ZNF729: variants seen among roughly 807,000 people sequenced by gnomAD.
ZNF729 encodes the protein zinc finger protein 729.
ZNF729 carries 15 observed loss-of-function variants against 12.2 expected under a neutral mutation model. The ratio of observed to expected loss-of-function variants is 1.23; its 90% CI spans 0.82 to 1.89. The LOEUF (loss-of-function observed/expected upper bound fraction) is 1.89. ZNF729 is among the 40% of genes most tolerant of loss of function. The pLI, the probability that ZNF729 is intolerant of heterozygous loss-of-function variation, is 0.00. For missense variants in ZNF729, 1,540 were observed against 1,456.7 expected, an observed-to-expected ratio of 1.06 and a Z score of -0.93; for synonymous variants, 492 against 476.3, an observed-to-expected ratio of 1.03 and a Z score of -0.43.
At chr19:22,311,786 G>A (rs555256778) in intron 3 of ZNF729, among the ~76,000 whole-genome samples, 1 of 152,288 alleles carries the variant, frequency 6.6e-6, no homozygotes, top group East Asian at 1.9e-4. Flanking sequence ...GCTGTCAGTA[G>A]AGTATTGAAG....
intron 3 of ZNF729, among the ~76,000 whole-genome samples, chr19:22,307,649 A>G (rs955582439): frequency 2.1e-4 from 31 of 151,054 alleles, no homozygotes; most frequent in African/African-American, 7.0e-4. Context: ...AGGCTGAAGC[A>G]GGAGAATCGC....
intron 1 of ZNF729, among the ~76,000 whole-genome samples, chr19:22,301,856 C>T (rs974402012): frequency 6.6e-5 from 10 of 152,304 alleles, no homozygotes; most frequent in Non-Finnish European, 1.3e-4. Context: ...TTTCTCTTAC[C>T]CAAGAGCTAG....
Position 22,315,657 on chromosome 19 carries a change from A to C in ZNF729, c.2240A>C (p.Lys747Thr). Residue 747 changes from lysine (K) to threonine (T), a missense_variant, in exon 4 of 4, where the codon AAA becomes ACA. Physicochemically the swap from Lys to Thr is moderately conservative, Grantham distance 78. Coordinates refer to ENST00000601693, the MANE Select transcript of ZNF729 (RefSeq NM_001242680.2). ...CCCTGCAAATGTGAAGAATGTGGCA[A>C]ATCTTTTAAGCATTTCTCAGCCCTT... Reference protein sequence around the residue: ...EKPCKCEECGKSFKHFSALRK... With the variant: ...EKPCKCEECGTSFKHFSALRK... The C allele has an allele frequency of 6.2e-7, 1 of 1,608,654 alleles. No individual in the cohort carries two copies. Among genetic ancestry groups the C allele is most frequent in the Non-Finnish European group, 8.5e-7 (1 of 1,179,284 alleles).
In ZNF729 at chr19:22,313,778, C is replaced by T. The variant is rs775219864; in HGVS notation, c.361C>T (p.Arg121Ter). The change falls in exon 4 of 4, where the codon CGA becomes TGA. Residue 121 changes from arginine (R) to a stop codon, truncating the protein, a stop_gained. Coordinates refer to ENST00000601693, the MANE Select transcript of ZNF729 (RefSeq NM_001242680.2). LOFTEE classifies it low-confidence loss of function (END_TRUNC). Reference sequence around the variant, plus strand: ...TGCAAGATGTGGACATAAGAATTTACGATTAAGAAAAGATTGTAAAAGTGC... The same window carrying T: ...TGCAAGATGTGGACATAAGAATTTATGATTAAGAAAAGATTGTAAAAGTGC... ...TYARCGHKNL[R>*]LRKDCKSANE... 58 of 1,596,680 alleles carry T rather than the reference C, an allele frequency of 3.6e-5. No individual in the cohort carries two copies. In the East Asian group the frequency reaches 1.1e-3, roughly 30 times the overall value.
intron 1 of ZNF729, among the ~76,000 whole-genome samples, chr19:22,287,278 T>A (rs560648074): frequency 6.6e-6 from 1 of 152,128 alleles, no homozygotes; most frequent in Non-Finnish European, 1.5e-5. Flanking sequence ...TTTTTTTTCT[T>A]TTTTTGAGAC....
intron 3 of ZNF729, among the ~76,000 whole-genome samples, chr19:22,313,197 G>A (rs560506067): frequency 1.1e-4 from 16 of 152,168 alleles, no homozygotes; most frequent in Admixed American, 5.2e-4. Flanking sequence ...GACTACAGAC[G>A]TGTGCCACCA....
chr19:22,298,021 A>C (rs928850864), intron 1 of ZNF729, among the ~76,000 whole-genome samples: 4 of 149,594 alleles, frequency 2.7e-5, no homozygotes, highest in African/African-American at 5.0e-5. Context: ...AAAAAAAAAA[A>C]AAAAAACACA....
In ZNF729 at chr19:22,315,986, T is replaced by C. The variant is rs1408213933; in HGVS notation, c.2569T>C (p.Cys857Arg). Residue 857 changes from cysteine (C) to arginine (R), a missense_variant, in exon 4 of 4, where the codon TGT becomes CGT. By Grantham distance (180) the Cys-to-Arg change is radical. Transcript: ENST00000601693. Reference sequence around the variant, plus strand: ...AAAGAAACCCTACAAATGTGAAGAATGTGGCAAAGCTTTTAGCCAATCCTC... The same window carrying C: ...AAAGAAACCCTACAAATGTGAAGAACGTGGCAAAGCTTTTAGCCAATCCTC... ...TGKKPYKCEE[C>R]GKAFSQSSSL... is the part of the protein sequence containing the mutation. The C allele has an allele frequency of 6.8e-6, 11 of 1,610,934 alleles. No individual in the cohort carries two copies. Among genetic ancestry groups the C allele is most frequent in the Non-Finnish European group, 9.3e-6 (11 of 1,179,764 alleles).
intron 1 of ZNF729, among the ~76,000 whole-genome samples, chr19:22,291,316 ACTT>A (rs770810213): frequency 1.3e-5 from 2 of 152,046 alleles, no homozygotes; most frequent in Admixed American, 6.6e-5. Flanking sequence ...GAGGATAAAA[ACTT>A]AGAGTAAAAA....
chr19:22,296,828 C>G (rs545772730), intron 1 of ZNF729, among the ~76,000 whole-genome samples: 4 of 152,122 alleles, frequency 2.6e-5, no homozygotes, highest in African/African-American at 7.2e-5. Flanking sequence ...TAAATTTCCA[C>G]CTTAATTTTA....
At chr19:22,302,607 T>C (rs1968325862) in intron 1 of ZNF729, among the ~76,000 whole-genome samples, 1 of 151,362 alleles carries the variant, frequency 6.6e-6, no homozygotes, top group Admixed American at 6.6e-5. Context: ...ACACAGATTC[T>C]GGGATTTAAG....
chr19:22,297,703 T>A (rs1968247094), intron 1 of ZNF729, among the ~76,000 whole-genome samples: 1 of 151,490 alleles, frequency 6.6e-6, no homozygotes, highest in Non-Finnish European at 1.5e-5. Context: ...AGATTAAAGC[T>A]CATATTAAGA....
intron 1 of ZNF729, among the ~76,000 whole-genome samples, chr19:22,291,341 C>G (rs1050808325): frequency 1.3e-4 from 20 of 152,108 alleles, no homozygotes; most frequent in African/African-American, 4.3e-4. Flanking sequence ...GTTCTGATAA[C>G]AGACCCCCTT....
chr19:22,317,106 C>T lies in ZNF729; in HGVS notation c.3689C>T (p.Thr1230Ile), dbSNP rs1175575892. ...KVPKLLSNPH[T>I]LLDKTIHTGE... ...CCAAAGCTTTTAAGCAATCCTCACA[C>T]CTTACTAGACAAAACAATTCATACT... is the stretch of plus-strand genomic sequence containing the variant. The change falls in exon 4 of 4, where the codon ACC becomes ATC. Residue 1230 changes from threonine to isoleucine, a missense_variant. Thr to Ile is a moderately conservative substitution (Grantham distance 89). Coordinates refer to ENST00000601693, the MANE Select transcript of ZNF729 (RefSeq NM_001242680.2). 4 of 1,598,982 alleles carry T rather than the reference C, an allele frequency of 2.5e-6. No homozygotes were observed. Among genetic ancestry groups the T allele is most frequent in the Non-Finnish European group, 3.4e-6 (4 of 1,173,664 alleles).
chr19:22,295,038 T>TGTG (rs1568571621), intron 1 of ZNF729, among the ~76,000 whole-genome samples: 3,176 of 144,104 alleles, frequency 0.022, 89 homozygotes, highest in African/African-American at 0.064. Context: ...TCCTAGATAT[T>TGTG]TGTGTGTGTG....
At chr19:22,297,274 C>CTTCTGTTTTTTTTTTTTTTTTTTTT (rs1968240425) in intron 1 of ZNF729, among the ~76,000 whole-genome samples, 1 of 143,230 alleles carries the variant, frequency 7.0e-6, no homozygotes, top group Non-Finnish European at 1.5e-5. Flanking sequence ...TTTATAACAC[C>CTTCTGTTTTTTTTTTTTTTTTTTTT]TTTTTCTCTT....
At chr19:22,288,094 T>G (rs994506024) in intron 1 of ZNF729, among the ~76,000 whole-genome samples, 17 of 152,156 alleles carry the variant, frequency 1.1e-4, no homozygotes, top group African/African-American at 4.1e-4. Context: ...TCTGCTCGCC[T>G]CAGCTTCCCA....
chr19:22,316,588 T>C lies in ZNF729; in HGVS notation c.3171T>C (p.Phe1057=), dbSNP rs1302819425. The part of the protein sequence containing the change: ...PYKCEECGKA[F]KWSSKLTEHK... Reference sequence around the variant, plus strand: ...AATGTGAAGAATGTGGTAAAGCTTTTAAGTGGTCCTCAAAACTTACTGAAC... The same window carrying C: ...AATGTGAAGAATGTGGTAAAGCTTTCAAGTGGTCCTCAAAACTTACTGAAC... Residue 1057 remains phenylalanine (F), a synonymous_variant, in exon 4 of 4, where the codon TTT becomes TTC. Coordinates refer to ENST00000601693, the MANE Select transcript of ZNF729 (RefSeq NM_001242680.2). 6.2e-7 allele frequency: 1 copy of C among 1,613,214 alleles called. No homozygotes were observed. The highest frequency in any genetic ancestry group is 8.5e-7 in the Non-Finnish European group (1 of 1,179,746).
chr19:22,290,213 A>G (rs951158711), intron 1 of ZNF729, among the ~76,000 whole-genome samples: 34 of 152,298 alleles, frequency 2.2e-4, no homozygotes, highest in African/African-American at 7.7e-4. Context: ...CACCCCAGCC[A>G]TGGAAGACGC....
Sources: gnomAD v4.1 joint callset for allele counts (sites outside exome capture counted in the v4.1 genomes callset) on GRCh38, gnomAD v4.1.1 for gene constraint, MANE v1.5 for transcripts, NCBI Gene and HGNC (gene_info 2026-07-23, HGNC 2026-07-21) for gene names.